The following NAALADL2 variants were observed in gnomAD, a reference collection of about 807,000 sequenced individuals.
NAALADL2 encodes inactive N-acetylated-alpha-linked acidic dipeptidase-like protein 2.
In NAALADL2, 76 loss-of-function variants were observed where a neutral mutation model predicts 87.2. The observed-to-expected ratio is 0.87, with a 90% CI of 0.72 to 1.05. The LOEUF (loss-of-function observed/expected upper bound fraction) is 1.05. Ranked by LOEUF, NAALADL2 falls within the 50% of genes least tolerant of loss-of-function variation. The probability of loss-of-function intolerance (pLI) is 0.00; values close to 1 mark genes in which losing one functional copy is unlikely to be tolerated. For synonymous variants in NAALADL2, 354 were observed against 331.0 expected (o/e 1.07, Z -0.75); for missense variants, 1,089 against 945.8 (o/e 1.15, Z -1.99).
chr3:175,682,782 A>T (rs1409376877), intron 11 of NAALADL2, among the ~76,000 whole-genome samples: 1 of 152,014 alleles, frequency 6.6e-6, no homozygotes, highest in Non-Finnish European at 1.5e-5. Context: ...AAATGCATTT[A>T]TTCATATTTC....
intron 1 of NAALADL2, among the ~76,000 whole-genome samples, chr3:174,865,058 G>A (rs991315191): frequency 2.6e-5 from 4 of 152,002 alleles, no homozygotes; most frequent in African/African-American, 9.7e-5. Context: ...TGACAGATAT[G>A]TTTAACCATC....
In NAALADL2 at chr3:175,755,257, G is replaced by T; in HGVS notation, c.2028G>T (p.Ala676=). The T allele has an allele frequency of 6.2e-7, 1 of 1,613,368 alleles. No homozygotes were observed. Among genetic ancestry groups the T allele is most frequent in the Non-Finnish European group, 8.5e-7 (1 of 1,179,744 alleles). Residue 676 remains alanine (A), a synonymous_variant, in exon 13 of 14, where the codon GCG becomes GCT. Coordinates refer to ENST00000454872, the MANE Select transcript of NAALADL2 (RefSeq NM_207015.3). ...QPNTHQLLAM[A]LRLRESAELF... ...ACACTCATCAACTGTTAGCCATGGC[G>T]TTACGCCTGCGGGAGAGTGCTGAAC...
chr3:174,796,118 G>A (rs911257468), intron 3 of NAALADL2, among the ~76,000 whole-genome samples: 2 of 152,114 alleles, frequency 1.3e-5, no homozygotes, highest in Admixed American at 1.3e-4. Context: ...AGACAGATAC[G>A]AGAGATGCCT....
intron 2 of NAALADL2, among the ~76,000 whole-genome samples, chr3:174,677,851 G>T (rs2108817863): frequency 6.6e-6 from 1 of 151,534 alleles, no homozygotes; most frequent in East Asian, 1.9e-4. Context: ...ATGCTTGGGG[G>T]CAATTTTAGA....
chr3:175,586,607 G>A (rs1428512732), intron 10 of NAALADL2, among the ~76,000 whole-genome samples: 1 of 152,152 alleles, frequency 6.6e-6, no homozygotes, highest in Non-Finnish European at 1.5e-5. Context: ...CAATGTTTAT[G>A]TAGTACTGAA....
chr3:175,656,556 AT>A (rs1390928267), intron 11 of NAALADL2, among the ~76,000 whole-genome samples: 1 of 152,116 alleles, frequency 6.6e-6, no homozygotes, highest in Non-Finnish European at 1.5e-5. Flanking sequence ...CTGATATCCA[AT>A]TTTTACCAAC....
At chr3:175,677,616 C>G (rs532124341) in intron 11 of NAALADL2, among the ~76,000 whole-genome samples, 6 of 151,784 alleles carry the variant, frequency 4.0e-5, no homozygotes, top group Non-Finnish European at 7.4e-5. Context: ...TCTTTTCAAC[C>G]CCCTCCAGGG....
At chr3:174,723,575 G>A (rs898815059) in intron 2 of NAALADL2, among the ~76,000 whole-genome samples, 3 of 151,954 alleles carry the variant, frequency 2.0e-5, no homozygotes, top group African/African-American at 7.2e-5. Context: ...CTAACATGGT[G>A]AAACCCCATC....
chr3:174,495,656 G>A lies in NAALADL2; in HGVS notation c.-184+54624G>A, dbSNP rs552208075. On this transcript the variant is annotated intron_variant, in intron 1 of 3. Coordinates refer to the NAALADL2 transcript ENST00000434257. ...CAATGTAAATGGACTCGTGGAGAGA[G>A]CTTTTTGAGAGGTTCACAGGGGATA... 7.3e-5 allele frequency among the ~76,000 whole-genome samples: 5 copies of A among 68,370 alleles called. No homozygotes were observed. The East Asian group carries it at 3.5e-3, about 48-fold the overall frequency. 44.9% of individuals were successfully genotyped at this position (68,370 alleles called of 152,430 possible).
chr3:175,320,856 C>G (rs1408159566), intron 4 of NAALADL2, among the ~76,000 whole-genome samples: 1 of 149,040 alleles, frequency 6.7e-6, no homozygotes, highest in South Asian at 2.2e-4. Flanking sequence ...AGTTTACCAA[C>G]CAAAAAGAGT....
intron 11 of NAALADL2, among the ~76,000 whole-genome samples, chr3:175,667,177 GAAAGAGAAAGAA>G (rs1185134036): frequency 3.1e-4 from 36 of 115,658 alleles, no homozygotes; most frequent in East Asian, 7.3e-4. Flanking sequence ...AAGAAAGAAA[GAAAGAGAAAGAA>G]AGAAAGAAAG....
intron 4 of NAALADL2, among the ~76,000 whole-genome samples, chr3:175,262,517 T>C (rs888281362): frequency 2.0e-5 from 3 of 151,732 alleles, no homozygotes; most frequent in Admixed American, 6.6e-5. Flanking sequence ...GGGTGCCTAA[T>C]GCAATGGGCA....
At chr3:175,271,566 T>C (rs1979331) in intron 4 of NAALADL2, among the ~76,000 whole-genome samples, 127,072 of 152,168 alleles carry the variant, frequency 0.84, 53,128 homozygotes, top group East Asian at 0.98. Flanking sequence ...CCGAGGTGGG[T>C]GGATCACCTG....
At chr3:175,651,732 G>A (rs997570150) in intron 11 of NAALADL2, among the ~76,000 whole-genome samples, 4 of 152,056 alleles carry the variant, frequency 2.6e-5, no homozygotes, top group Admixed American at 2.0e-4. Flanking sequence ...CCATTTCTTA[G>A]CATTTTGCCA....
chr3:174,836,660 A>C (rs1200003677), intron 3 of NAALADL2, among the ~76,000 whole-genome samples: 1 of 146,574 alleles, frequency 6.8e-6, no homozygotes, highest in East Asian at 2.1e-4. Flanking sequence ...AGTGAGCCGA[A>C]ATCGCGCCAC....
intron 2 of NAALADL2, among the ~76,000 whole-genome samples, chr3:175,110,530 A>G (rs1724020488): frequency 6.6e-6 from 1 of 151,772 alleles, no homozygotes; most frequent in South Asian, 2.1e-4. Context: ...CCAAAGAGGG[A>G]AGAAGTTGGG....
At chr3:174,763,310 C>T (rs144620591) in intron 3 of NAALADL2, among the ~76,000 whole-genome samples, 35 of 151,714 alleles carry the variant, frequency 2.3e-4, no homozygotes, top group African/African-American at 7.0e-4. Flanking sequence ...AAATGTTGGC[C>T]GGGCGCAGTG....
At chr3:175,430,394 G>A (rs1385792361) in intron 5 of NAALADL2, among the ~76,000 whole-genome samples, 1 of 151,808 alleles carries the variant, frequency 6.6e-6, no homozygotes, top group East Asian at 1.9e-4. Context: ...ATTCTCTATG[G>A]CATTATTTTG....
At chr3:174,919,331 T>C (rs1734831204) in intron 1 of NAALADL2, among the ~76,000 whole-genome samples, 1 of 152,196 alleles carries the variant, frequency 6.6e-6, no homozygotes, top group South Asian at 2.1e-4. Context: ...AAATTGGAGT[T>C]AATCTTCTGA....
Sources: allele counts gnomAD v4.1 joint callset (sites outside exome capture counted in the v4.1 genomes callset), GRCh38; gene constraint gnomAD v4.1.1; transcripts MANE v1.5; gene names NCBI Gene and HGNC (gene_info 2026-07-23, HGNC 2026-07-21).